Variants in CREB5 observed in about 807,000 individuals in gnomAD.
The protein encoded by CREB5 is cAMP responsive element binding protein 5.
Under a neutral mutation model 57.1 loss-of-function variants are expected in CREB5, and 19 were observed. The ratio of observed to expected loss-of-function variants is 0.33; its 90% CI spans 0.23 to 0.49. The LOEUF (loss-of-function observed/expected upper bound fraction) is 0.49, where lower values mean the gene tolerates loss of function less well. Ranked by LOEUF, CREB5 falls within the 20% of genes least tolerant of loss-of-function variation. The pLI, the probability that CREB5 is intolerant of heterozygous loss-of-function variation, is 0.99. For missense variants in CREB5, 579 were observed against 671.6 expected (o/e 0.86, Z 1.52); for synonymous variants, 238 against 238.3 (o/e 1.00, Z 0.01).
intron 5 of CREB5, among the ~76,000 whole-genome samples, chr7:28,710,261 T>C (rs533012868): frequency 2.8e-4 from 43 of 152,348 alleles, no homozygotes; most frequent in African/African-American, 9.6e-4. Context: ...TAATTTATTC[T>C]CATTAGTAAG....
At chr7:28,777,255 G>A (rs1326989684) in intron 7 of CREB5, among the ~76,000 whole-genome samples, 4 of 152,086 alleles carry the variant, frequency 2.6e-5, no homozygotes, top group African/African-American at 4.8e-5. Context: ...AACAATGTCC[G>A]AACTCATTGT....
intron 7 of CREB5, chr7:28,778,997 T>G (rs1806819634): frequency 6.6e-6 from 1 of 152,244 alleles, no homozygotes; most frequent in South Asian, 2.1e-4. Flanking sequence ...CTGGATGCAT[T>G]TGCAATCTTA....
rs1408946952 is a variant in CREB5, at chr7:28,570,451, C to G, written c.378C>G (p.Asp126Glu). 2 of 1,614,066 alleles carry G rather than the reference C, an allele frequency of 1.2e-6. No individual in the cohort carries two copies. The highest frequency in any genetic ancestry group is 2.7e-5 in the African/African-American group (2 of 74,914). The change falls in exon 5 of 11, where the codon GAC (aspartate) becomes GAG (glutamate). Residue 126 changes from aspartate to glutamate, a missense_variant. Physicochemically the swap from Asp to Glu is conservative, Grantham distance 45. Around this residue, in one of 3 missense-constraint regions of CREB5, gnomAD observed 459 missense variants for 515.7 expected, o/e 0.89. Coordinates refer to ENST00000357727, the MANE Select transcript of CREB5 (RefSeq NM_182898.4). ...GCAGCGCTCGGCTGCCCAACCATGA[C>G]ACCAACGTTGTGATTCAGCAAGCCA... ...QLSSARLPNHDTNVVIQQAMP... is the reference protein window; with the variant it reads ...QLSSARLPNHETNVVIQQAMP...
intron 1 of CREB5, among the ~76,000 whole-genome samples, chr7:28,312,382 G>A (rs944740172): frequency 1.3e-5 from 2 of 152,162 alleles, no homozygotes; most frequent in African/African-American, 4.8e-5. Flanking sequence ...ATTTCACAGA[G>A]GGGGAGGCAC....
intron 5 of CREB5, among the ~76,000 whole-genome samples, chr7:28,593,926 G>T (rs1482572224): frequency 6.6e-6 from 1 of 152,188 alleles, no homozygotes; most frequent in African/African-American, 2.4e-5. Flanking sequence ...CTTTTGGGAG[G>T]TTATCCCCAG....
chr7:28,673,629 C>T (rs190293871), intron 5 of CREB5, among the ~76,000 whole-genome samples: 5 of 149,316 alleles, frequency 3.3e-5, no homozygotes, highest in East Asian at 3.9e-4. Context: ...AAGCAGAGCC[C>T]GTGTTGACAT....
At chr7:28,478,355 T>G (rs1287065759) in intron 1 of CREB5, among the ~76,000 whole-genome samples, 1 of 150,980 alleles carries the variant, frequency 6.6e-6, no homozygotes, top group Non-Finnish European at 1.5e-5. Flanking sequence ...TATATACATA[T>G]TTATATATAT....
chr7:28,560,128 G>C (rs897693413), intron 4 of CREB5, among the ~76,000 whole-genome samples: 1 of 152,182 alleles, frequency 6.6e-6, no homozygotes, highest in Non-Finnish European at 1.5e-5. Context: ...GGAAGCAAAG[G>C]TACATGATCC....
chr7:28,725,657 A>G (rs1803293928), intron 7 of CREB5, among the ~76,000 whole-genome samples: 4 of 151,102 alleles, frequency 2.6e-5, no homozygotes, highest in African/African-American at 9.8e-5. Context: ...AAAAAAAAAA[A>G]AAAAAGAAAG....
intron 5 of CREB5, among the ~76,000 whole-genome samples, chr7:28,636,980 C>A (rs529136768): frequency 2.7e-4 from 41 of 152,030 alleles, no homozygotes; most frequent in African/African-American, 9.4e-4. Flanking sequence ...ATAGTGAAAC[C>A]CTGACTCTAC....
intron 7 of CREB5, among the ~76,000 whole-genome samples, chr7:28,777,807 C>T (rs13233430): frequency 0.25 from 38,566 of 151,382 alleles, 5,671 homozygotes; most frequent in Non-Finnish European, 0.34. Flanking sequence ...TCTGTGTTAA[C>T]AACAAAAACA....
intron 1 of CREB5, among the ~76,000 whole-genome samples, chr7:28,367,238 T>C (rs1014246774): frequency 2.0e-5 from 3 of 152,166 alleles, no homozygotes; most frequent in Non-Finnish European, 2.9e-5. Context: ...CTACTGGCCA[T>C]AGGTTAATGG....
intron 1 of CREB5, among the ~76,000 whole-genome samples, chr7:28,444,671 A>G (rs942540063): frequency 2.0e-5 from 3 of 152,218 alleles, no homozygotes; most frequent in African/African-American, 4.8e-5. Flanking sequence ...GGATTAGTAT[A>G]GCACAGTGAG....
At chr7:28,457,671 G>A (rs1176778714) in intron 1 of CREB5, among the ~76,000 whole-genome samples, 2 of 152,154 alleles carry the variant, frequency 1.3e-5, no homozygotes, top group African/African-American at 4.8e-5. Flanking sequence ...CTGGCTTTCA[G>A]ACAGAGAAAC....
chr7:28,305,418 C>T (rs577375614), intron 1 of CREB5, among the ~76,000 whole-genome samples: 4 of 152,332 alleles, frequency 2.6e-5, no homozygotes, highest in South Asian at 2.1e-4. Context: ...TTTCCTTCGA[C>T]ATCAGTGTGG....
chr7:28,646,809 G>A (rs978728328), intron 5 of CREB5, among the ~76,000 whole-genome samples: 1 of 151,584 alleles, frequency 6.6e-6, no homozygotes, highest in Non-Finnish European at 1.5e-5. Context: ...TTTAAAATTG[G>A]GCTGCCACCA....
intron 1 of CREB5, among the ~76,000 whole-genome samples, chr7:28,433,104 T>C (rs1354240652): frequency 6.6e-6 from 1 of 152,224 alleles, no homozygotes; most frequent in Admixed American, 6.5e-5. Flanking sequence ...TTGATTTTTT[T>C]CCTGGTAATA....
In CREB5 at chr7:28,519,185, A is replaced by G. The variant is rs117527243; in HGVS notation, c.291+11448A>G. On this transcript the variant is annotated intron_variant, in intron 4 of 10. Coordinates refer to ENST00000357727, the MANE Select transcript of CREB5 (RefSeq NM_182898.4). ...AGGCGTCTTTTTCCTGCATGTCAGC[A>G]GTAAGGAAATAATTCCTTGATCCAG... Among the ~76,000 whole-genome samples, 150 of 152,304 alleles carry G rather than the reference A, an allele frequency of 9.8e-4. 1 individual carries two copies. Among genetic ancestry groups the G allele is most frequent in the Non-Finnish European group, 1.9e-3 (127 of 68,030 alleles).
intron 1 of CREB5, among the ~76,000 whole-genome samples, chr7:28,349,701 G>A (rs78699862): frequency 0.012 from 1,884 of 152,226 alleles, 35 homozygotes; most frequent in Non-Finnish European, 0.015. Flanking sequence ...TAATTTCAGC[G>A]ATGGAGGGAC....
Sources: gnomAD v4.1 joint callset for allele counts (sites outside exome capture counted in the v4.1 genomes callset) on GRCh38, gnomAD v4.1.1 for gene constraint, gnomAD v4.1.1 regional missense constraint, MANE v1.5 for transcripts, NCBI Gene and HGNC (gene_info 2026-07-23, HGNC 2026-07-21) for gene names.